Variants in NOCT observed in about 807,000 individuals in gnomAD.
NOCT encodes CCR4 carbon catabolite repression 4-like.
Under a neutral mutation model 35.0 loss-of-function variants are expected in NOCT, and 18 were observed. That is an observed-to-expected ratio of 0.51 (90% CI 0.36 to 0.76). The LOEUF (loss-of-function observed/expected upper bound fraction) is 0.76. Among genes scored for constraint, NOCT ranks in the 30% least tolerant of loss-of-function variants. NOCT has a pLI of 0.01. For missense variants in NOCT, 479 were observed against 541.0 expected (o/e 0.89, Z 1.14); for synonymous variants, 235 against 226.3 (o/e 1.04, Z -0.34).
intron 1 of NOCT, among the ~76,000 whole-genome samples, chr4:139,025,022 C>T (rs759264335): frequency 6.6e-6 from 1 of 152,142 alleles, no homozygotes; most frequent in East Asian, 1.9e-4. Flanking sequence ...AGGAGGGTTT[C>T]CTTCTATATT....
At chr4:139,037,528 C>T (rs760033364) in intron 1 of NOCT, among the ~76,000 whole-genome samples, 26 of 152,136 alleles carry the variant, frequency 1.7e-4, no homozygotes, top group East Asian at 3.9e-4. Flanking sequence ...CCTCAGCCTC[C>T]GAAAATGCTA....
rs547801905 is a variant in NOCT, at chr4:139,027,961, C to T, written c.190+11790C>T. On this transcript the variant is annotated intron_variant, in intron 1 of 2. Coordinates refer to ENST00000280614, the MANE Select transcript of NOCT (RefSeq NM_012118.4). ...ATGCTGCCAGAGTTAGCTCATGGGT[C>T]ACAGTCGGTAGATCCCTGATCTAGA... Among the ~76,000 whole-genome samples, 29 of 152,192 alleles carry T rather than the reference C, an allele frequency of 1.9e-4. No individual in the cohort carries two copies. The South Asian group carries it at 6.0e-3, about 32-fold the overall frequency.
In NOCT at chr4:139,039,623, GATCT is replaced by G. The variant is rs1272324395; in HGVS notation, c.191-3450_191-3447del. Among the ~76,000 whole-genome samples the G allele has an allele frequency of 2.6e-5, 4 of 151,286 alleles. No homozygotes were observed. In the East Asian group the frequency reaches 7.8e-4, roughly 29 times the overall value. On this transcript the variant is annotated intron_variant, in intron 1 of 2. Coordinates refer to ENST00000280614, the MANE Select transcript of NOCT (RefSeq NM_012118.4). ...AAAAGCAATCCTTAGGTTTGACTCT[GATCT>G]TTTTCTCATTTCTTTTTAATTTTTA...
At chr4:139,017,493 G>T (rs1057302162) in intron 1 of NOCT, among the ~76,000 whole-genome samples, 3 of 150,736 alleles carry the variant, frequency 2.0e-5, no homozygotes, top group Non-Finnish European at 4.4e-5. Flanking sequence ...CTCCCAAAGT[G>T]CTGGGATTAC....
chr4:139,019,353 C>T (rs2148641770), intron 1 of NOCT, among the ~76,000 whole-genome samples: 1 of 152,302 alleles, frequency 6.6e-6, no homozygotes, highest in Middle Eastern at 3.4e-3. Flanking sequence ...TGCGCCCAGC[C>T]TATGAAGTGC....
intron 1 of NOCT, among the ~76,000 whole-genome samples, chr4:139,040,042 C>CT (rs35176403): frequency 0.016 from 1,887 of 119,572 alleles, 59 homozygotes; most frequent in South Asian, 0.15. Context: ...GTATCATTTT[C>CT]TTTTTTTTTT....
At chr4:139,038,935 T>C (rs1254315351) in intron 1 of NOCT, among the ~76,000 whole-genome samples, 1 of 152,222 alleles carries the variant, frequency 6.6e-6, no homozygotes, top group Non-Finnish European at 1.5e-5. Flanking sequence ...AATTTTTTTT[T>C]GAAGAAGGCT....
At chr4:139,020,188 T>A (rs189925175) in intron 1 of NOCT, among the ~76,000 whole-genome samples, 120 of 152,342 alleles carry the variant, frequency 7.9e-4, no homozygotes, top group Non-Finnish European at 1.4e-3. Flanking sequence ...CAGATTCACA[T>A]TCCACACACT....
intron 1 of NOCT, among the ~76,000 whole-genome samples, chr4:139,035,949 C>G (rs1316483390): frequency 6.6e-6 from 1 of 152,156 alleles, no homozygotes; most frequent in Non-Finnish European, 1.5e-5. Flanking sequence ...TTACCACCTC[C>G]CGGTCTCTGC....
rs1726868180 is a variant in NOCT at position 139,043,164 on chromosome 4, T to C, written c.281T>C (p.Leu94Ser). The C allele has an allele frequency of 6.2e-7, 1 of 1,614,126 alleles. No homozygotes were observed. The highest frequency in any genetic ancestry group is 8.5e-7 in the Non-Finnish European group (1 of 1,180,008). Reference protein sequence around the residue: ...SSAASQHPEYLVSPDPEHLEP... With the variant: ...SSAASQHPEYSVSPDPEHLEP... ...GCTGCCTCCCAGCACCCAGAGTATT[T>C]GGTGTCACCTGACCCAGAGCATCTG... The change falls in exon 2 of 3, where the codon TTG becomes TCG. Residue 94 changes from leucine to serine, a missense_variant. By Grantham distance (145) the Leu-to-Ser change is moderately radical. Around this residue, in one of 2 missense-constraint regions of NOCT, gnomAD observed 265 missense variants for 257.0 expected, o/e 1.03. Coordinates refer to ENST00000280614, the MANE Select transcript of NOCT (RefSeq NM_012118.4).
At chr4:139,020,018 TA>T (rs1726380054) in intron 1 of NOCT, among the ~76,000 whole-genome samples, 1 of 152,196 alleles carries the variant, frequency 6.6e-6, no homozygotes. Context: ...GTAAACTGCT[TA>T]TGAGAGAGAA....
In NOCT at chr4:139,023,621, G is replaced by T. The variant is rs765997527; in HGVS notation, c.190+7450G>T. ...AGCGATTCTCCTGCCTCAGCCTCCC[G>T]AGTAGCTGGGGATTACAGGCCCCTG... On this transcript the variant is annotated intron_variant, in intron 1 of 2. Coordinates refer to ENST00000280614, the MANE Select transcript of NOCT (RefSeq NM_012118.4). Among the ~76,000 whole-genome samples the T allele has an allele frequency of 2.6e-5, 4 of 152,028 alleles. No individual in the cohort carries two copies. The East Asian group carries it at 7.7e-4, about 29-fold the overall frequency.
In NOCT at chr4:139,043,115, C is replaced by T. The variant is rs760888981; in HGVS notation, c.232C>T (p.Leu78Phe). The T allele has an allele frequency of 1.2e-5, 20 of 1,613,350 alleles. No homozygotes were observed. The highest frequency in any genetic ancestry group is 1.6e-5 in the Non-Finnish European group (19 of 1,179,552). Residue 78 changes from leucine (L) to phenylalanine (F), a missense_variant, in exon 2 of 3, where the codon CTC (leucine) becomes TTC (phenylalanine). Around this residue, in one of 2 missense-constraint regions of NOCT, gnomAD observed 265 missense variants for 257.0 expected, o/e 1.03. Transcript: ENST00000280614. Reference sequence around the variant, plus strand: ...CGGTACAAGCAGACTCTATAGTGCTCTCGCCAAGACACTGAACAGCAGCGC... The same window carrying T: ...CGGTACAAGCAGACTCTATAGTGCTTTCGCCAAGACACTGAACAGCAGCGC... The part of the protein sequence containing the change: ...GTGTSRLYSA[L>F]AKTLNSSAAS...
rs1560735679 is a variant in NOCT at position 139,045,228 on chromosome 4, G to A, written c.1050G>A (p.Leu350=). Residue 350 remains leucine (L), a synonymous_variant, in exon 3 of 3, where the codon CTG becomes CTA. Transcript: ENST00000280614. ...SSLNLNSAYK[L]LSADGQSEPP... ...TCAACCTGAACAGCGCCTACAAGCT[G>A]CTGAGTGCTGATGGGCAGTCAGAAC... 6.2e-7 allele frequency: 1 copy of A among 1,614,174 alleles called. No homozygotes were observed. The highest frequency in any genetic ancestry group is 2.2e-5 in the East Asian group (1 of 44,886).
intron 1 of NOCT, among the ~76,000 whole-genome samples, chr4:139,033,678 CAA>C (rs761210940): frequency 1.5e-4 from 20 of 129,290 alleles, no homozygotes; most frequent in Non-Finnish European, 1.2e-4. Context: ...ACCCTGTCTC[CAA>C]AAAAAAAAAA....
At chr4:139,018,512 T>C (rs976005710) in intron 1 of NOCT, among the ~76,000 whole-genome samples, 1 of 152,216 alleles carries the variant, frequency 6.6e-6, no homozygotes, top group African/African-American at 2.4e-5. Context: ...ACTTAAACTT[T>C]TGTAGGCAGT....
intron 1 of NOCT, among the ~76,000 whole-genome samples, chr4:139,032,725 C>T (rs1726650548): frequency 6.6e-6 from 1 of 152,022 alleles, no homozygotes; most frequent in Non-Finnish European, 1.5e-5. Flanking sequence ...GCTGTTTAGC[C>T]TTAGGAAATA....
At chr4:139,043,630 A>T (rs1405660662) in intron 2 of NOCT, 1 of 278,352 alleles carries the variant, frequency 3.6e-6, no homozygotes, top group Non-Finnish European at 6.8e-6. Context: ...AATTGTAAAA[A>T]CCAAGTCAGG....
chr4:139,028,858 T>C, intron 1 of NOCT, among the ~76,000 whole-genome samples: 1 of 152,176 alleles, frequency 6.6e-6, no homozygotes. Context: ...TTGTTTTGTT[T>C]TGAGACTGAG....
Sources: gnomAD v4.1 joint callset for allele counts (sites outside exome capture counted in the v4.1 genomes callset) on GRCh38, gnomAD v4.1.1 for gene constraint, gnomAD v4.1.1 regional missense constraint, MANE v1.5 for transcripts, NCBI Gene and HGNC (gene_info 2026-07-23, HGNC 2026-07-21) for gene names.